RIT2: variants seen among roughly 807,000 people sequenced by gnomAD.
RIT2 encodes Ras like without CAAX 2.
Under a neutral mutation model 23.7 loss-of-function variants are expected in RIT2, and 24 were observed. That is an observed-to-expected ratio of 1.01 (90% CI 0.73 to 1.43). RIT2 has a LOEUF of 1.43. Ranked by LOEUF, RIT2 falls within the 40% of genes most tolerant of loss-of-function variation. RIT2 has a pLI of 0.00. For missense variants in RIT2, 236 were observed against 266.9 expected, an observed-to-expected ratio of 0.88 and a Z score of 0.81; for synonymous variants, 107 against 91.1, an observed-to-expected ratio of 1.17 and a Z score of -0.99.
At chr18:42,810,544 A>G (rs1905822487) in intron 4 of RIT2, among the ~76,000 whole-genome samples, 1 of 151,958 alleles carries the variant, frequency 6.6e-6, no homozygotes. Flanking sequence ...CCATTAGGTC[A>G]TCTGTATTCA....
intron 4 of RIT2, among the ~76,000 whole-genome samples, chr18:42,903,364 C>A (rs937541155): frequency 6.6e-6 from 1 of 151,888 alleles, no homozygotes; most frequent in Non-Finnish European, 1.5e-5. Context: ...TTGCAGAAGT[C>A]GATTATCTAA....
At chr18:42,987,533 T>C (rs1011477972) in intron 2 of RIT2, among the ~76,000 whole-genome samples, 3 of 152,218 alleles carry the variant, frequency 2.0e-5, no homozygotes, top group African/African-American at 7.2e-5. Context: ...AACACTTTAT[T>C]GCAAGCAATT....
At chr18:43,021,081 T>C (rs1309548845) in intron 2 of RIT2, among the ~76,000 whole-genome samples, 1 of 152,026 alleles carries the variant, frequency 6.6e-6, no homozygotes, top group Non-Finnish European at 1.5e-5. Flanking sequence ...AGACAACCTG[T>C]TGAATGGGAG....
At chr18:43,018,734 C>T (rs1405677412) in intron 2 of RIT2, among the ~76,000 whole-genome samples, 1 of 151,958 alleles carries the variant, frequency 6.6e-6, no homozygotes, top group Non-Finnish European at 1.5e-5. Flanking sequence ...AGGACAAATG[C>T]AGTCTTTTCT....
intron 1 of RIT2, among the ~76,000 whole-genome samples, chr18:43,067,193 C>T (rs1173064896): frequency 6.6e-6 from 1 of 152,014 alleles, no homozygotes; most frequent in Non-Finnish European, 1.5e-5. Flanking sequence ...TAGGACACCA[C>T]ACACACACAT....
intron 2 of RIT2, among the ~76,000 whole-genome samples, chr18:42,982,259 A>C (rs1398345126): frequency 6.6e-6 from 1 of 152,122 alleles, no homozygotes; most frequent in Non-Finnish European, 1.5e-5. Context: ...GCAGCAGAGG[A>C]AAAGTCTGTC....
intron 2 of RIT2, among the ~76,000 whole-genome samples, chr18:42,975,181 T>C (rs1274719061): frequency 2.6e-5 from 4 of 152,122 alleles, no homozygotes; most frequent in Non-Finnish European, 5.9e-5. Flanking sequence ...TATCTCATTG[T>C]GTTTTTTATT....
chr18:42,770,276 T>C (rs1913520869), intron 4 of RIT2, among the ~76,000 whole-genome samples: 1 of 152,142 alleles, frequency 6.6e-6, no homozygotes, highest in African/African-American at 2.4e-5. Flanking sequence ...GGTCACACCA[T>C]CCAGAGCCAG....
chr18:42,843,380 G>A, intron 4 of RIT2, among the ~76,000 whole-genome samples: 1 of 152,098 alleles, frequency 6.6e-6, no homozygotes, highest in East Asian at 1.9e-4. Flanking sequence ...TCCCTACTAA[G>A]ATATCAAAAG....
Position 43,115,514 on chromosome 18 carries a change from C to T in RIT2, c.6G>A (p.Glu2=). 1.2e-6 allele frequency: 2 copies of T among 1,612,074 alleles called. No homozygotes were observed. The highest frequency in any genetic ancestry group is 1.7e-6 in the Non-Finnish European group (2 of 1,179,372). Residue 2 remains glutamate (E), a synonymous_variant, in exon 1 of 5, where the codon GAG becomes GAA. Coordinates refer to ENST00000326695, the MANE Select transcript of RIT2 (RefSeq NM_002930.4). The part of the protein sequence containing the change: M[E]VENEASCSPG... ...GGGAGCAGCTGGCTTCATTTTCTAC[C>T]TCCATCTTACCCGAGGGACCGGAGG...
chr18:42,877,780 A>C (rs1198554807), intron 4 of RIT2, among the ~76,000 whole-genome samples: 1 of 151,690 alleles, frequency 6.6e-6, no homozygotes, highest in Non-Finnish European at 1.5e-5. Context: ...CACAGTCAAA[A>C]CTTTATTTCA....
chr18:43,024,570 A>C (rs189696627), intron 2 of RIT2, among the ~76,000 whole-genome samples: 2 of 152,264 alleles, frequency 1.3e-5, no homozygotes, highest in East Asian at 1.9e-4. Flanking sequence ...GATAGAACTT[A>C]ATTAAACTAA....
At chr18:43,025,601 A>G (rs571445867) in intron 2 of RIT2, among the ~76,000 whole-genome samples, 2 of 152,274 alleles carry the variant, frequency 1.3e-5, no homozygotes, top group South Asian at 4.1e-4. Flanking sequence ...TGTCACATAC[A>G]TAGATATATA....
intron 2 of RIT2, among the ~76,000 whole-genome samples, chr18:43,003,438 A>G (rs1911153333): frequency 6.6e-6 from 1 of 151,974 alleles, no homozygotes; most frequent in Non-Finnish European, 1.5e-5. Flanking sequence ...AACAGTAATC[A>G]GAGTTGATTT....
intron 3 of RIT2, among the ~76,000 whole-genome samples, chr18:42,960,011 T>C (rs1251637035): frequency 6.6e-6 from 1 of 152,168 alleles, no homozygotes; most frequent in South Asian, 2.1e-4. Flanking sequence ...TTTTAAAAAG[T>C]AAATTATATC....
At chr18:42,980,105 AG>A (rs1910563147) in intron 2 of RIT2, among the ~76,000 whole-genome samples, 1 of 152,128 alleles carries the variant, frequency 6.6e-6, no homozygotes, top group South Asian at 2.1e-4. Context: ...ATGTCATAAA[AG>A]TCTACCTGTT....
rs186095570 is a variant in RIT2 at position 43,033,890 on chromosome 18, T to A, written c.104-23A>T. On this transcript the variant is annotated intron_variant, in intron 1 of 4. Coordinates refer to ENST00000326695, the MANE Select transcript of RIT2 (RefSeq NM_002930.4). ...TTGCTGAAAGAAAAAAAACACATTT[T>A]GTTTAATAAAAATTCACTAATTCAT... is the stretch of plus-strand genomic sequence containing the variant. 4.0e-3 allele frequency: 6,190 copies of A among 1,543,756 alleles called. 28 individuals carry two copies. Among genetic ancestry groups the A allele is most frequent in the South Asian group, 8.2e-3 (723 of 88,702 alleles).
chr18:42,967,048 C>G (rs1316857748), intron 3 of RIT2, among the ~76,000 whole-genome samples: 3 of 151,692 alleles, frequency 2.0e-5, no homozygotes, highest in African/African-American at 7.3e-5. Flanking sequence ...ATATATGCAC[C>G]ATGTAAATCA....
chr18:42,904,049 A>G lies in RIT2; in HGVS notation c.426+19523T>C, dbSNP rs138783198. 1.3e-3 allele frequency among the ~76,000 whole-genome samples: 200 copies of G among 152,250 alleles called. 1 individual carries two copies. The highest frequency in any genetic ancestry group is 2.0e-3 in the Non-Finnish European group (138 of 68,004). On this transcript the variant is annotated intron_variant, in intron 4 of 4. Transcript: ENST00000326695. The stretch of plus-strand genomic sequence containing the variant: ...GTAATGCTATATTTATTATAATACT[A>G]TATAGGAAGATAAATAAAATGTATA...
Sources: allele counts gnomAD v4.1 joint callset (sites outside exome capture counted in the v4.1 genomes callset), GRCh38; gene constraint gnomAD v4.1.1; transcripts MANE v1.5; gene names NCBI Gene and HGNC (gene_info 2026-07-23, HGNC 2026-07-21).